Variants in MYH9 observed in about 807,000 individuals in gnomAD.
MYH9 encodes the protein myosin-9.
In MYH9, 29 loss-of-function variants were observed where a neutral mutation model predicts 241.9. That is an observed-to-expected ratio of 0.12 (90% CI 0.09 to 0.16). The LOEUF (loss-of-function observed/expected upper bound fraction) is 0.16. MYH9 is among the 10% of genes least tolerant of loss of function. MYH9 has a pLI of 1.00. For synonymous variants in MYH9, 1,047 were observed against 1,062.6 expected, an observed-to-expected ratio of 0.99 and a Z score of 0.29; for missense variants, 1,803 against 2,595.5, an observed-to-expected ratio of 0.69 and a Z score of 6.63.
At chr22:36,323,692 C>T (rs748895712) in intron 5 of MYH9, among the ~76,000 whole-genome samples, 2 of 152,146 alleles carry the variant, frequency 1.3e-5, no homozygotes, top group African/African-American at 2.4e-5. Flanking sequence ...ATTGGAAGCC[C>T]ACCTGAGACC....
rs199520053 is a variant in MYH9, at chr22:36,300,145, C to G, written c.2958G>C (p.Gln986His). ...GCCTCACCTTGGCCAGCTTGCAGTTCTGGTCCTCCAGGATGATCTGCTCCT... is the reference window on the plus strand; with the variant it reads ...GCCTCACCTTGGCCAGCTTGCAGTTGTGGTCCTCCAGGATGATCTGCTCCT... ...LEEEQIILED[Q>H]NCKLAKEKKL... The change falls in exon 23 of 41, where the codon CAG (glutamine) becomes CAC (histidine). Residue 986 changes from glutamine (Q) to histidine (H), a missense_variant. Transcript: ENST00000216181. The surrounding 1 kb of genome is among the most constrained non-coding windows in gnomAD (Gnocchi z 5.0). 3.3e-5 allele frequency: 53 copies of G among 1,612,354 alleles called. No homozygotes were observed. Among genetic ancestry groups the G allele is most frequent in the Admixed American group, 8.3e-5 (5 of 60,032 alleles).
chr22:36,306,552 G>T lies in MYH9; in HGVS notation c.1899C>A (p.Pro633=). 1 of 1,613,908 alleles carries T rather than the reference G, an allele frequency of 6.2e-7. No homozygotes were observed. Among genetic ancestry groups the T allele is most frequent in the Non-Finnish European group, 8.5e-7 (1 of 1,180,018 alleles). ...QVAGMSETAL[P]GAFKTRKGMF... ...TGCCCTTCCGCGTCTTGAAGGCCCC[G>T]GGCAGTGCGGTCTCCGACATGCCGG... The change falls in exon 16 of 41, where the codon CCC becomes CCA. Residue 633 remains proline, a synonymous_variant. Transcript: ENST00000216181. This position sits in a 1 kb window ranked among gnomAD's most constrained non-coding sequence, Gnocchi z 4.1.
At chr22:36,387,204 G>A (rs1037718439) in intron 1 of MYH9, among the ~76,000 whole-genome samples, 1 of 152,212 alleles carries the variant, frequency 6.6e-6, no homozygotes, top group Non-Finnish European at 1.5e-5. Flanking sequence ...GGCAGCGGGC[G>A]AATGAGGAAG....
Position 36,289,217 on chromosome 22 carries a change from C to A in MYH9, c.4425G>T (p.Glu1475Asp). Residue 1475 changes from glutamate to aspartate, a missense_variant, in exon 32 of 41, where the codon GAG (glutamate) becomes GAT (aspartate). By Grantham distance (45) the Glu-to-Asp change is conservative. Around this residue, in one of 11 missense-constraint regions of MYH9, gnomAD observed 876 missense variants for 1,077.8 expected, o/e 0.81. Transcript: ENST00000216181. Reference sequence around the variant, plus strand: ...CCCGGGCCAGCGACAGAGCCTTGGTCTCCTTCTCTCGGGCCTCCGCCTCAG... The same window carrying A: ...CCCGGGCCAGCGACAGAGCCTTGGTATCCTTCTCTCGGGCCTCCGCCTCAG... Reference protein sequence around the residue: ...DRAEAEAREKETKALSLARAL... With the variant: ...DRAEAEAREKDTKALSLARAL... 1 of 1,613,272 alleles carries A rather than the reference C, an allele frequency of 6.2e-7. No individual in the cohort carries two copies. The highest frequency in any genetic ancestry group is 8.5e-7 in the Non-Finnish European group (1 of 1,180,030).
Position 36,306,010 on chromosome 22 carries a change from G to A in MYH9, c.2079C>T (p.Arg693=). ...GGATGCCCTCGAGAACACCGTTGCA[G>A]CGCAGCTGGTCCAGCACGAGATGCG... ...LDPHLVLDQL[R]CNGVLEGIRI... Residue 693 remains arginine (R), a synonymous_variant, in exon 17 of 41, where the codon CGC becomes CGT. Coordinates refer to ENST00000216181, the MANE Select transcript of MYH9 (RefSeq NM_002473.6). This position sits in a 1 kb window ranked among gnomAD's most constrained non-coding sequence, Gnocchi z 4.1. 1 of 1,613,354 alleles carries A rather than the reference G, an allele frequency of 6.2e-7. No individual in the cohort carries two copies. The highest frequency in any genetic ancestry group is 1.1e-5 in the South Asian group (1 of 91,088).
At chr22:36,363,641 G>A (rs199836392) in intron 1 of MYH9, among the ~76,000 whole-genome samples, 278 of 152,262 alleles carry the variant, frequency 1.8e-3, no homozygotes, top group African/African-American at 6.5e-3. Flanking sequence ...TCACACCTGC[G>A]CCTTACCTAC....
chr22:36,377,106 T>A (rs2018180880), intron 1 of MYH9, among the ~76,000 whole-genome samples: 1 of 151,280 alleles, frequency 6.6e-6, no homozygotes, highest in African/African-American at 2.4e-5. Flanking sequence ...TGAACCCCAT[T>A]TGTGCAATAA....
At chr22:36,366,081 G>A (rs1030054996) in intron 1 of MYH9, among the ~76,000 whole-genome samples, 4 of 152,066 alleles carry the variant, frequency 2.6e-5, no homozygotes, top group Admixed American at 6.5e-5. Flanking sequence ...CCAGCTATTC[G>A]GGAGGCTGAG....
intron 5 of MYH9, among the ~76,000 whole-genome samples, chr22:36,324,027 C>A (rs1206228534): frequency 6.6e-6 from 1 of 152,246 alleles, no homozygotes; most frequent in Non-Finnish European, 1.5e-5. Flanking sequence ...CTACGCCGTT[C>A]CTCTCAGAGC....
At chr22:36,384,127 C>T (rs2018301846) in intron 1 of MYH9, among the ~76,000 whole-genome samples, 1 of 151,342 alleles carries the variant, frequency 6.6e-6, no homozygotes, top group South Asian at 2.1e-4. Flanking sequence ...AAAAATTAGC[C>T]AAGTATGGTG....
chr22:36,327,862 C>CT (rs1457355087), intron 3 of MYH9, among the ~76,000 whole-genome samples: 1 of 152,124 alleles, frequency 6.6e-6, no homozygotes, highest in Non-Finnish European at 1.5e-5. Context: ...GGGGCTGAAG[C>CT]TGTTAGAAAG....
intron 34 of MYH9, among the ~76,000 whole-genome samples, chr22:36,287,331 G>T (rs1021114052): frequency 6.6e-6 from 1 of 152,158 alleles, no homozygotes; most frequent in Non-Finnish European, 1.5e-5. Context: ...AGAGTGACTG[G>T]CTGTGTGCAG....
In MYH9 at chr22:36,293,967, C is replaced by A; in HGVS notation, c.3838-104G>T. 1 of 1,465,278 alleles carries A rather than the reference C, an allele frequency of 6.8e-7. No individual in the cohort carries two copies. Among genetic ancestry groups the A allele is most frequent in the Non-Finnish European group, 9.4e-7 (1 of 1,065,150 alleles). The allele number at this position is 1,465,278 out of a possible 1,614,324, so 90.8% of individuals were successfully genotyped here. ...GCTGGACCTGAGTCACAAGCTGAAC[C>A]ATGAGGGTCTGAGGAGCCAGTTTGA... On this transcript the variant is annotated intron_variant, in intron 28 of 40. Coordinates refer to ENST00000216181, the MANE Select transcript of MYH9 (RefSeq NM_002473.6). The surrounding 1 kb of genome is among the most constrained non-coding windows in gnomAD (Gnocchi z 5.1).
rs745986576 is a variant in MYH9, at chr22:36,295,749, G to A, written c.3273-32C>T. 9 of 1,594,244 alleles carry A rather than the reference G, an allele frequency of 5.6e-6. No individual in the cohort carries two copies. The highest frequency in any genetic ancestry group is 5.6e-5 in the South Asian group (5 of 89,536). ...AAGCGACCAGCAACATCAGTATAAG[G>A]AGAGTTTCACCTCCAAGGAGCAGAG... On this transcript the variant is annotated intron_variant, in intron 25 of 40. Transcript: ENST00000216181. The surrounding 1 kb of genome is among the most constrained non-coding windows in gnomAD (Gnocchi z 4.1).
At chr22:36,355,474 G>C (rs1292986308) in intron 1 of MYH9, among the ~76,000 whole-genome samples, 4 of 152,018 alleles carry the variant, frequency 2.6e-5, no homozygotes, top group Non-Finnish European at 5.9e-5. Context: ...CTTAAAGACA[G>C]AATGTATTCT....
At chr22:36,350,604 C>G (rs1471174513) in intron 1 of MYH9, among the ~76,000 whole-genome samples, 2 of 152,236 alleles carry the variant, frequency 1.3e-5, no homozygotes, top group Non-Finnish European at 2.9e-5. Context: ...GAAATGCTTT[C>G]ACACATATTT....
chr22:36,368,762 A>T (rs984697543), intron 1 of MYH9, among the ~76,000 whole-genome samples: 3 of 151,676 alleles, frequency 2.0e-5, no homozygotes, highest in Non-Finnish European at 2.9e-5. Flanking sequence ...GTTGTCTCTG[A>T]CTCCCAACCA....
At chr22:36,303,952 G>A in intron 19 of MYH9, 43 bp downstream of exon 19, 2 of 1,609,272 alleles carry the variant, frequency 1.2e-6, no homozygotes, top group South Asian at 1.1e-5. Flanking sequence ...GAAGGGCGTG[G>A]CAAGGCCTGG....
intron 1 of MYH9, among the ~76,000 whole-genome samples, chr22:36,351,251 A>C (rs531682437): frequency 1.3e-5 from 2 of 152,300 alleles, no homozygotes; most frequent in African/African-American, 4.8e-5. Flanking sequence ...TGGCAGCATC[A>C]CCAGCTTCCC....
Sources: allele counts gnomAD v4.1 joint callset (sites outside exome capture counted in the v4.1 genomes callset), GRCh38; gene constraint gnomAD v4.1.1; regional missense constraint gnomAD v4.1.1; non-coding constraint Gnocchi (gnomAD v3.1); transcripts MANE v1.5; gene names NCBI Gene and HGNC (gene_info 2026-07-23, HGNC 2026-07-21).